FAM178B: variants seen among roughly 807,000 people sequenced by gnomAD.
FAM178B encodes the protein protein FAM178B.
A neutral mutation model predicts 91.7 loss-of-function variants in FAM178B; 82 were observed. The observed-to-expected ratio is 0.89, with a 90% confidence interval of 0.75 to 1.07. FAM178B has a LOEUF of 1.07. Among genes scored for constraint, FAM178B ranks in the 50% least tolerant of loss-of-function variants. The pLI is 0.00. For missense variants in FAM178B, 769 were observed against 846.7 expected (o/e 0.91, Z 1.14); for synonymous variants, 368 against 359.4 (o/e 1.02, Z -0.27).
Position 96,921,573 on chromosome 2 carries a change from T to A in FAM178B, c.1369A>T (p.Thr457Ser). The change falls in exon 11 of 17, where the codon ACC (threonine) becomes TCC (serine). Residue 457 changes from threonine (T) to serine (S), a missense_variant. Thr to Ser is a moderately conservative substitution (Grantham distance 58). Coordinates refer to ENST00000490605, the MANE Select transcript of FAM178B (RefSeq NM_001122646.3). ...AGGCGGAGCCCCACGTCCAGGCTGG[T>A]GCGGCACAGCAGCTCAATCAGTCCC... ...LMGLIELLCRTSLDVGLRLLP... is the reference protein window; with the variant it reads ...LMGLIELLCRSSLDVGLRLLP... The A allele has an allele frequency of 6.4e-7, 1 of 1,551,622 alleles. No homozygotes were observed. The highest frequency in any genetic ancestry group is 1.2e-5 in the South Asian group (1 of 84,050).
At chr2:96,953,250 C>A (rs201447903) in intron 6 of FAM178B, among the ~76,000 whole-genome samples, 7 of 152,170 alleles carry the variant, frequency 4.6e-5, no homozygotes, top group Non-Finnish European at 1.0e-4. Context: ...AGGGACTGAC[C>A]CCAGCAAGAC....
chr2:96,886,516 G>A (rs949053056), intron 14 of FAM178B, among the ~76,000 whole-genome samples: 13 of 152,192 alleles, frequency 8.5e-5, no homozygotes, highest in African/African-American at 2.9e-4. Flanking sequence ...CTGGGAAGGC[G>A]CCAAGGGCCA....
intron 12 of FAM178B, among the ~76,000 whole-genome samples, chr2:96,905,829 TATATATATATATATATATATATATATA>T (rs2081024737): frequency 1.1e-4 from 2 of 17,994 alleles, no homozygotes; most frequent in African/African-American, 1.8e-4. Context: ...TATATATATA[TATATATATATATATATATATATATATA>T]TATATTTTTT....
chr2:96,950,207 G>A, intron 7 of FAM178B: 2 of 978,768 alleles, frequency 2.0e-6, no homozygotes, highest in Non-Finnish European at 2.4e-6. Context: ...GCCTCCCAAT[G>A]CTCGATTGTG....
At chr2:96,901,866 A>T (rs149368259) in intron 13 of FAM178B, among the ~76,000 whole-genome samples, 43 of 152,270 alleles carry the variant, frequency 2.8e-4, no homozygotes, top group African/African-American at 9.6e-4. Flanking sequence ...ATTTGAATTA[A>T]ATGCTCACTG....
At chr2:96,914,264 A>G (rs1003014937) in intron 12 of FAM178B, among the ~76,000 whole-genome samples, 1 of 152,214 alleles carries the variant, frequency 6.6e-6, no homozygotes, top group Non-Finnish European at 1.5e-5. Flanking sequence ...GGAAAAAAGG[A>G]TCAGGTGAAA....
At chr2:96,928,279 C>G (rs2081480740) in intron 9 of FAM178B, among the ~76,000 whole-genome samples, 2 of 152,186 alleles carry the variant, frequency 1.3e-5, no homozygotes, top group Admixed American at 6.5e-5. Context: ...TCTCAAATCA[C>G]CTTCTTCAAG....
chr2:96,950,125 G>T (rs1272653006), intron 7 of FAM178B: 3 of 985,404 alleles, frequency 3.0e-6, no homozygotes, highest in Admixed American at 6.1e-5. Flanking sequence ...ACGCCCCCGG[G>T]AAGGCACTCC....
chr2:96,978,157 C>G (rs1023700436), intron 1 of FAM178B, among the ~76,000 whole-genome samples: 2 of 152,178 alleles, frequency 1.3e-5, no homozygotes, highest in Non-Finnish European at 2.9e-5. Context: ...GCACTCAGCC[C>G]ATGGCCTGAT....
intron 12 of FAM178B, among the ~76,000 whole-genome samples, chr2:96,919,243 A>G (rs1235399424): frequency 6.6e-6 from 1 of 152,234 alleles, no homozygotes; most frequent in Admixed American, 6.5e-5. Flanking sequence ...CACAAACACC[A>G]TGCCCTGGAT....
intron 7 of FAM178B, 109 bp downstream of exon 7, chr2:96,951,270 C>T (rs1188684829): frequency 2.6e-6 from 2 of 762,160 alleles, no homozygotes; most frequent in Admixed American, 2.2e-5. Context: ...CCCAGCCAAG[C>T]AGCACCTAAG....
At chr2:96,904,014 C>T (rs1004542826) in intron 12 of FAM178B, among the ~76,000 whole-genome samples, 5 of 152,024 alleles carry the variant, frequency 3.3e-5, no homozygotes, top group Non-Finnish European at 7.4e-5. Context: ...ATGCCAGGTG[C>T]TGGTGGGGGC....
At chr2:96,885,478 G>A (rs373329430) in intron 14 of FAM178B, among the ~76,000 whole-genome samples, 1 of 152,272 alleles carries the variant, frequency 6.6e-6, no homozygotes, top group Non-Finnish European at 1.5e-5. Flanking sequence ...TCGTGGTACT[G>A]AGGACAGGGA....
chr2:96,892,757 G>C (rs373511150), intron 14 of FAM178B, among the ~76,000 whole-genome samples: 5 of 152,100 alleles, frequency 3.3e-5, no homozygotes, highest in African/African-American at 1.2e-4. Context: ...TCGCCTTCTT[G>C]TTCCTTGCTC....
intron 8 of FAM178B, among the ~76,000 whole-genome samples, chr2:96,933,594 G>A (rs1056806714): frequency 1.3e-4 from 20 of 152,246 alleles, no homozygotes; most frequent in African/African-American, 2.6e-4. Context: ...GGCCTCCCTC[G>A]TGCCCTGAGT....
chr2:96,909,759 CAG>C (rs2081120414), intron 12 of FAM178B, among the ~76,000 whole-genome samples: 1 of 152,188 alleles, frequency 6.6e-6, no homozygotes, highest in Non-Finnish European at 1.5e-5. Context: ...TCCATCATTA[CAG>C]TCTGTTGAGA....
At chr2:96,965,471 T>G (rs74263780) in intron 5 of FAM178B, among the ~76,000 whole-genome samples, 3,166 of 151,924 alleles carry the variant, frequency 0.021, 100 homozygotes, top group African/African-American at 0.065. Context: ...CCCCCATTTT[T>G]TTTTTTTAAG....
intron 9 of FAM178B, among the ~76,000 whole-genome samples, chr2:96,925,387 C>T (rs558996365): frequency 6.6e-6 from 1 of 152,290 alleles, no homozygotes; most frequent in South Asian, 2.1e-4. Flanking sequence ...AGTTCCAGAA[C>T]TTTGTGAGCC....
At chr2:96,958,100 G>T (rs907877662) in intron 6 of FAM178B, among the ~76,000 whole-genome samples, 1 of 134,336 alleles carries the variant, frequency 7.4e-6, no homozygotes, top group Non-Finnish European at 1.5e-5. Flanking sequence ...ATGGAGTCTC[G>T]CTCTGTCCCC....
Sources: gnomAD v4.1 joint callset for allele counts (sites outside exome capture counted in the v4.1 genomes callset) on GRCh38, gnomAD v4.1.1 for gene constraint, MANE v1.5 for transcripts, NCBI Gene and HGNC (gene_info 2026-07-23, HGNC 2026-07-21) for gene names.